BEND6: variants seen among roughly 807,000 people sequenced by gnomAD.
The protein encoded by BEND6 is BEN domain containing 6, also known as BEN domain-containing protein 6.
In BEND6, 24 loss-of-function variants were observed where a neutral mutation model predicts 31.8. The observed-to-expected ratio is 0.75, with a 90% CI of 0.55 to 1.06. BEND6 has a LOEUF of 1.06. Among genes scored for constraint, BEND6 ranks in the 50% least tolerant of loss-of-function variants. BEND6 has a pLI of 0.00. For synonymous variants in BEND6, 109 were observed against 114.6 expected, an observed-to-expected ratio of 0.95 and a Z score of 0.31; for missense variants, 294 against 327.4, an observed-to-expected ratio of 0.90 and a Z score of 0.79.
chr6:56,967,581 C>T (rs1825529467), intron 1 of BEND6, among the ~76,000 whole-genome samples: 1 of 152,066 alleles, frequency 6.6e-6, no homozygotes, highest in African/African-American at 2.4e-5. Flanking sequence ...ATAGAGACAG[C>T]TAGGGAAAGG....
chr6:56,972,145 A>T (rs1205047434), intron 1 of BEND6, among the ~76,000 whole-genome samples: 1 of 136,142 alleles, frequency 7.3e-6, no homozygotes, highest in African/African-American at 2.8e-5. Flanking sequence ...CCCAGGCTGG[A>T]ATGCAGTGAC....
intron 1 of BEND6, among the ~76,000 whole-genome samples, chr6:56,965,676 TTA>T (rs35074783): frequency 0.068 from 9,234 of 136,396 alleles, 383 homozygotes; most frequent in African/African-American, 0.11. Context: ...ACAAAAAAAT[TTA>T]TATATATATA....
At chr6:56,966,729 A>G (rs957575487) in intron 1 of BEND6, among the ~76,000 whole-genome samples, 4 of 152,134 alleles carry the variant, frequency 2.6e-5, no homozygotes, top group South Asian at 4.1e-4. Context: ...AGCCAGCCAC[A>G]CTGTTTAATT....
At chr6:57,004,501 G>C (rs988594723) in intron 3 of BEND6, 18 of 688,252 alleles carry the variant, frequency 2.6e-5, no homozygotes, top group Admixed American at 2.6e-4. Flanking sequence ...GGCCTCTGCC[G>C]CTCCAGCTCC....
At chr6:56,985,642 A>G (rs1826239942) in intron 2 of BEND6, among the ~76,000 whole-genome samples, 1 of 152,256 alleles carries the variant, frequency 6.6e-6, no homozygotes, top group Non-Finnish European at 1.5e-5. Context: ...CGTGGGAGTC[A>G]GGGAAATGAA....
intron 1 of BEND6, among the ~76,000 whole-genome samples, chr6:56,978,280 C>CTAAAATAAAA (rs916609925): frequency 1.3e-5 from 2 of 151,808 alleles, no homozygotes; most frequent in African/African-American, 2.4e-5. Flanking sequence ...AAGACCCTGT[C>CTAAAATAAAA]TAAAATAAAA....
chr6:56,989,135 A>G (rs1826397762), intron 2 of BEND6, among the ~76,000 whole-genome samples: 2 of 150,592 alleles, frequency 1.3e-5, no homozygotes, highest in Admixed American at 1.3e-4. Context: ...TATATTATAT[A>G]TTATGGATTA....
At chr6:56,961,029 A>G (rs947542133) in intron 1 of BEND6, among the ~76,000 whole-genome samples, 3 of 152,240 alleles carry the variant, frequency 2.0e-5, no homozygotes, top group Admixed American at 6.5e-5. Context: ...GTAGGTTTCT[A>G]GAGACCTGAA....
intron 3 of BEND6, among the ~76,000 whole-genome samples, chr6:57,000,511 A>C (rs1434099204): frequency 6.6e-6 from 1 of 151,872 alleles, no homozygotes; most frequent in African/African-American, 2.4e-5. Context: ...TCTCTCCACT[A>C]TTATCCTATG....
chr6:56,976,099 C>G (rs1466599678), intron 1 of BEND6: 1 of 298,838 alleles, frequency 3.3e-6, no homozygotes, highest in Non-Finnish European at 6.8e-6. Flanking sequence ...AGCCTCAAGC[C>G]CCACATACCA....
At chr6:57,018,352 C>A in intron 5 of BEND6, 69 bp from the exon 6 acceptor site, 1 of 1,478,866 alleles carries the variant, frequency 6.8e-7, no homozygotes, top group Non-Finnish European at 9.0e-7. Context: ...TGATGTTTTA[C>A]CTCAGTTCAT....
intron 6 of BEND6, among the ~76,000 whole-genome samples, 189 bp from the exon 7 acceptor site, chr6:57,025,893 T>C (rs1029788253): frequency 1.1e-4 from 17 of 152,190 alleles, no homozygotes; most frequent in African/African-American, 3.9e-4. Flanking sequence ...TGTTTGTTTT[T>C]GGTTTTCTGT....
intron 6 of BEND6, among the ~76,000 whole-genome samples, chr6:57,022,049 C>G (rs1047494987): frequency 1.3e-5 from 2 of 151,906 alleles, no homozygotes; most frequent in African/African-American, 4.8e-5. Context: ...TGATGCTGGC[C>G]TGTAGTTTTG....
At position 57,015,304 on chromosome 6, in the gene BEND6, C is replaced by CA; in HGVS notation, c.471dup (p.Pro158ThrfsTer7). ...AGTAATTCTAATTCTAACTCCAGTT[C>CA]ACCAGTTTCCTTAAAGCCTGAGGAA... is the stretch of plus-strand genomic sequence containing the variant. On this transcript the variant is annotated frameshift_variant, in exon 4 of 7. Coordinates refer to ENST00000370746, the MANE Select transcript of BEND6 (RefSeq NM_152731.3). LOFTEE classifies it high-confidence loss of function. 2 of 1,614,134 alleles carry CA rather than the reference C, an allele frequency of 1.2e-6. No individual in the cohort carries two copies. Among genetic ancestry groups the CA allele is most frequent in the Non-Finnish European group, 1.7e-6 (2 of 1,180,016 alleles).
chr6:57,003,630 A>T (rs1827030961), intron 3 of BEND6, among the ~76,000 whole-genome samples: 1 of 152,178 alleles, frequency 6.6e-6, no homozygotes. Flanking sequence ...ATTCTACTGA[A>T]ACTATTCCAA....
chr6:57,007,800 T>C (rs889189892), intron 3 of BEND6, among the ~76,000 whole-genome samples: 4 of 151,742 alleles, frequency 2.6e-5, no homozygotes, highest in African/African-American at 9.7e-5. Flanking sequence ...GTTTGGGAAG[T>C]TTACAGTGTG....
At chr6:57,024,401 T>G (rs1375335822) in intron 6 of BEND6, among the ~76,000 whole-genome samples, 1 of 152,246 alleles carries the variant, frequency 6.6e-6, no homozygotes, top group African/African-American at 2.4e-5. Flanking sequence ...CTGTTGGTGA[T>G]GAATTCTCTC....
chr6:56,957,427 T>C (rs1437347938), intron 1 of BEND6, among the ~76,000 whole-genome samples: 9 of 152,256 alleles, frequency 5.9e-5, no homozygotes. Flanking sequence ...TATCATTTTT[T>C]CCAAATAACA....
Position 57,014,492 on chromosome 6 carries a change from C to T in BEND6, c.299-641C>T, listed in dbSNP as rs1376363693. On this transcript the variant is annotated intron_variant, in intron 3 of 6. Transcript: ENST00000370746. ...AAACTAGATATAACAACAGAGAAGA[C>T]CATTTTACATGGAGGCATGAAAACT... The T allele has an allele frequency of 2.0e-6, 3 of 1,524,628 alleles. No homozygotes were observed. In the African/African-American group the frequency reaches 4.2e-5, roughly 21 times the overall value. The allele number at this position is 1,524,628 out of a possible 1,614,324, so 94.4% of individuals were successfully genotyped here.
Sources: gnomAD v4.1 joint callset for allele counts (sites outside exome capture counted in the v4.1 genomes callset) on GRCh38, gnomAD v4.1.1 for gene constraint, MANE v1.5 for transcripts, NCBI Gene and HGNC (gene_info 2026-07-23, HGNC 2026-07-21) for gene names.